The following GPR139 variants were observed in gnomAD, a reference collection of about 807,000 sequenced individuals.
The protein encoded by GPR139 is probable G protein-coupled receptor 139.
In GPR139, 12 loss-of-function variants were observed where a neutral mutation model predicts 25.8. The observed-to-expected ratio is 0.47, with a 90% CI of 0.30 to 0.75. The LOEUF is 0.75. Ranked by LOEUF, GPR139 falls within the 30% of genes least tolerant of loss-of-function variation. The pLI is 0.07. For missense variants in GPR139, 380 were observed against 450.2 expected (o/e 0.84, Z 1.41); for synonymous variants, 184 against 179.9 (o/e 1.02, Z -0.18).
chr16:20,045,106 TCTC>T, intron 1 of GPR139, among the ~76,000 whole-genome samples: 1 of 151,118 alleles, frequency 6.6e-6, no homozygotes, highest in Non-Finnish European at 1.5e-5. Flanking sequence ...GTCAAGCAAT[TCTC>T]CTGCCTCAGC....
intron 1 of GPR139, among the ~76,000 whole-genome samples, chr16:20,051,437 A>G (rs1366030337): frequency 2.0e-5 from 3 of 152,174 alleles, no homozygotes; most frequent in Non-Finnish European, 4.4e-5. Context: ...CTGTTCCACC[A>G]TGGGACCCAC....
At chr16:20,060,675 C>T (rs2057409640) in intron 1 of GPR139, among the ~76,000 whole-genome samples, 1 of 152,164 alleles carries the variant, frequency 6.6e-6, no homozygotes, top group Non-Finnish European at 1.5e-5. Flanking sequence ...TGTATTGTCC[C>T]AACTCAGGGT....
At chr16:20,055,213 G>A (rs992823563) in intron 1 of GPR139, among the ~76,000 whole-genome samples, 10 of 152,174 alleles carry the variant, frequency 6.6e-5, no homozygotes, top group Non-Finnish European at 1.2e-4. Context: ...TTGGTTTTCT[G>A]TTCCTGTGTT....
At chr16:20,036,762 T>G (rs1374717893) in intron 1 of GPR139, among the ~76,000 whole-genome samples, 1 of 152,168 alleles carries the variant, frequency 6.6e-6, no homozygotes, top group African/African-American at 2.4e-5. Flanking sequence ...AACCATATCA[T>G]GTGGTTAATA....
Position 20,073,727 on chromosome 16 carries a change from C to T in GPR139, c.-111G>A, listed in dbSNP as rs1596473494. On this transcript the variant is annotated 5_prime_UTR_variant, in exon 1 of 2. Coordinates refer to ENST00000570682, the MANE Select transcript of GPR139 (RefSeq NM_001002911.4). The surrounding 1 kb of genome is among the most constrained non-coding windows in gnomAD (Gnocchi z 4.7). ...GGCAGCGGCAGCTGGAGCAGCAGCGCCTCTCTCCCCGCAGGACTGGCTCCT... is the reference window on the plus strand; with the variant it reads ...GGCAGCGGCAGCTGGAGCAGCAGCGTCTCTCTCCCCGCAGGACTGGCTCCT... 6.7e-6 allele frequency: 9 copies of T among 1,339,266 alleles called. No individual in the cohort carries two copies. Among genetic ancestry groups the T allele is most frequent in the Admixed American group, 5.3e-5 (2 of 38,090 alleles). The allele number at this position is 1,339,266 out of a possible 1,614,324, so 83.0% of individuals were successfully genotyped here. A position where few individuals can be genotyped will look rare whatever the true frequency, so the allele number is the denominator to read the frequency against.
intron 1 of GPR139, among the ~76,000 whole-genome samples, chr16:20,047,304 T>G (rs2141207093): frequency 6.6e-6 from 1 of 152,134 alleles, no homozygotes; most frequent in African/African-American, 2.4e-5. Flanking sequence ...AGAGATAGGG[T>G]TTCACTATGT....
chr16:20,053,092 G>A (rs985158411), intron 1 of GPR139, among the ~76,000 whole-genome samples: 16 of 152,136 alleles, frequency 1.1e-4, no homozygotes, highest in African/African-American at 3.9e-4. Context: ...CTATTTAGAA[G>A]GGGATTTAGG....
At position 20,028,873 on chromosome 16, in the gene GPR139, G is replaced by A. The variant is rs191066201; in HGVS notation, c.*2862C>T. ...CCCACGATAAGGCAATTGCTTTAGT[G>A]CCACCAGCAGCAGCCATTTACATGA... On this transcript the variant is annotated 3_prime_UTR_variant, in exon 2 of 2. Coordinates refer to ENST00000570682, the MANE Select transcript of GPR139 (RefSeq NM_001002911.4). Among the ~76,000 whole-genome samples, 1 of 152,216 alleles carries A rather than the reference G, an allele frequency of 6.6e-6. No individual in the cohort carries two copies. The highest frequency in any genetic ancestry group is 1.9e-4 in the East Asian group (1 of 5,178).
chr16:20,064,690 G>C (rs947401319), intron 1 of GPR139, among the ~76,000 whole-genome samples: 5 of 152,290 alleles, frequency 3.3e-5, no homozygotes, highest in Admixed American at 3.3e-4. Flanking sequence ...TGTGAAAAAG[G>C]GATTCTTATA....
intron 1 of GPR139, among the ~76,000 whole-genome samples, chr16:20,046,145 A>C (rs1480197664): frequency 3.9e-5 from 6 of 152,236 alleles, no homozygotes; most frequent in Admixed American, 3.9e-4. Context: ...TCAATTGTGC[A>C]TACAAAATGC....
intron 1 of GPR139, among the ~76,000 whole-genome samples, chr16:20,061,143 G>C (rs943573862): frequency 7.2e-5 from 11 of 152,042 alleles, no homozygotes; most frequent in Non-Finnish European, 1.5e-5. Flanking sequence ...CACGTACCTA[G>C]CATGGTGCCT....
intron 1 of GPR139, among the ~76,000 whole-genome samples, chr16:20,036,518 C>T (rs1462056454): frequency 2.0e-5 from 3 of 152,172 alleles, no homozygotes; most frequent in African/African-American, 7.2e-5. Context: ...ACAATCATGG[C>T]AAAAGGCTAA....
Position 20,073,869 on chromosome 16 carries a change from G to A in GPR139, c.-253C>T, listed in dbSNP as rs954706827. 6.9e-6 allele frequency: 3 copies of A among 432,306 alleles called. No individual in the cohort carries two copies. In the Admixed American group the frequency reaches 1.4e-4, roughly 20 times the overall value. 26.8% of individuals were successfully genotyped at this position (432,306 alleles called of 1,614,324 possible). A position where few individuals can be genotyped will look rare whatever the true frequency, so the allele number is the denominator to read the frequency against. On this transcript the variant is annotated 5_prime_UTR_variant, in exon 1 of 2. Transcript: ENST00000570682. This position sits in a 1 kb window ranked among gnomAD's most constrained non-coding sequence, Gnocchi z 4.7. The stretch of plus-strand genomic sequence containing the variant: ...GGGCGCGCTGCGCGGGGCCTCGGGA[G>A]GGGCTCCCGGAGCCCGTCTGTGCGC...
chr16:20,031,096 T>A lies in GPR139; in HGVS notation c.*639A>T, dbSNP rs148926173. On this transcript the variant is annotated 3_prime_UTR_variant, in exon 2 of 2. Coordinates refer to ENST00000570682, the MANE Select transcript of GPR139 (RefSeq NM_001002911.4). ...TGCCTTTTAGACCCCAGGTTTGAGG[T>A]CACAGCTATGCGGGTTTGGAGATTT... 3.5e-4 allele frequency among the ~76,000 whole-genome samples: 54 copies of A among 152,150 alleles called. No homozygotes were observed. The East Asian group carries it at 7.4e-3, about 21-fold the overall frequency.
intron 1 of GPR139, among the ~76,000 whole-genome samples, chr16:20,040,972 C>G (rs1015610464): frequency 6.6e-6 from 1 of 151,490 alleles, no homozygotes; most frequent in African/African-American, 2.4e-5. Flanking sequence ...AAAAAGAAGC[C>G]ACTTACCCCT....
intron 1 of GPR139, among the ~76,000 whole-genome samples, chr16:20,054,266 C>T (rs535608045): frequency 1.3e-5 from 2 of 152,240 alleles, no homozygotes; most frequent in Non-Finnish European, 2.9e-5. Context: ...GTTCCTTATT[C>T]TAGTAAAATA....
intron 1 of GPR139, among the ~76,000 whole-genome samples, chr16:20,059,180 G>A (rs1374786025): frequency 2.0e-5 from 3 of 152,080 alleles, no homozygotes; most frequent in Non-Finnish European, 2.9e-5. Context: ...TGCTAAGCCC[G>A]TCTCATCTCT....
intron 1 of GPR139, among the ~76,000 whole-genome samples, chr16:20,033,724 A>G (rs2057299905): frequency 6.6e-6 from 1 of 152,172 alleles, no homozygotes; most frequent in Non-Finnish European, 1.5e-5. Context: ...ATAGCAAGGA[A>G]AAGTACATTT....
intron 1 of GPR139, among the ~76,000 whole-genome samples, chr16:20,033,921 T>TAA (rs2057300692): frequency 2.6e-5 from 4 of 151,790 alleles, no homozygotes; most frequent in Non-Finnish European, 5.9e-5. Context: ...ACAGCAGCAA[T>TAA]GTTTTATTTT....
Sources: gnomAD v4.1 joint callset for allele counts (sites outside exome capture counted in the v4.1 genomes callset) on GRCh38, gnomAD v4.1.1 for gene constraint, Gnocchi (gnomAD v3.1) non-coding constraint, MANE v1.5 for transcripts, NCBI Gene and HGNC (gene_info 2026-07-23, HGNC 2026-07-21) for gene names.